The following CNTN5 variants were observed in gnomAD, a reference collection of about 807,000 sequenced individuals.
CNTN5 encodes contactin 5.
Under a neutral mutation model 129.1 loss-of-function variants are expected in CNTN5, and 77 were observed. That is an observed-to-expected ratio of 0.60 (90% CI 0.50 to 0.72). The LOEUF is 0.72. CNTN5 is among the 30% of genes least tolerant of loss of function. CNTN5 has a pLI of 0.00. For synonymous variants in CNTN5, 509 were observed against 465.6 expected (o/e 1.09, Z -1.20); for missense variants, 1,478 against 1,328.8 (o/e 1.11, Z -1.75).
chr11:99,061,950 C>G (rs1001631443), intron 1 of CNTN5, among the ~76,000 whole-genome samples: 4 of 151,142 alleles, frequency 2.6e-5, no homozygotes, highest in African/African-American at 7.3e-5. Context: ...TACGGTTGCA[C>G]TACCTCACTC....
At chr11:99,677,313 A>C (rs974070422) in intron 3 of CNTN5, among the ~76,000 whole-genome samples, 1 of 146,012 alleles carries the variant, frequency 6.8e-6, no homozygotes, top group Non-Finnish European at 1.5e-5. Flanking sequence ...ATGCCTTTAC[A>C]TGTTCATGGG....
At chr11:99,974,011 A>C (rs1200353655) in intron 8 of CNTN5, among the ~76,000 whole-genome samples, 1 of 152,188 alleles carries the variant, frequency 6.6e-6, no homozygotes, top group Non-Finnish European at 1.5e-5. Context: ...ATATTTTAAA[A>C]CTCAGTGATT....
At chr11:99,852,336 T>C (rs892438583) in intron 6 of CNTN5, among the ~76,000 whole-genome samples, 8 of 152,212 alleles carry the variant, frequency 5.3e-5, no homozygotes, top group Non-Finnish European at 1.2e-4. Context: ...AATACATAAT[T>C]TTATGATTTA....
At chr11:99,993,067 C>T (rs983197403) in intron 8 of CNTN5, among the ~76,000 whole-genome samples, 4 of 152,196 alleles carry the variant, frequency 2.6e-5, no homozygotes, top group African/African-American at 9.7e-5. Flanking sequence ...ATGGGACTGT[C>T]TCCCTTCCCT....
chr11:99,541,014 T>C (rs1188812350), intron 2 of CNTN5, among the ~76,000 whole-genome samples: 2 of 152,088 alleles, frequency 1.3e-5, no homozygotes, highest in African/African-American at 4.8e-5. Context: ...CCCTTTAATG[T>C]GTAGCATTCA....
At chr11:100,045,951 C>A (rs912417745) in intron 9 of CNTN5, among the ~76,000 whole-genome samples, 1 of 151,854 alleles carries the variant, frequency 6.6e-6, no homozygotes, top group Non-Finnish European at 1.5e-5. Flanking sequence ...TTATTAACAT[C>A]TTTTATTTTA....
chr11:99,229,184 A>G (rs1159390075), intron 1 of CNTN5, among the ~76,000 whole-genome samples: 1 of 151,998 alleles, frequency 6.6e-6, no homozygotes, highest in East Asian at 1.9e-4. Context: ...GAGTAAATGA[A>G]CTCATAAAAA....
At chr11:100,170,310 A>G (rs1947786168) in intron 13 of CNTN5, among the ~76,000 whole-genome samples, 1 of 151,996 alleles carries the variant, frequency 6.6e-6, no homozygotes, top group Non-Finnish European at 1.5e-5. Context: ...CACTATGTCA[A>G]TTTTCATTAC....
At chr11:99,612,740 T>C (rs1013140794) in intron 3 of CNTN5, among the ~76,000 whole-genome samples, 2 of 152,222 alleles carry the variant, frequency 1.3e-5, no homozygotes, top group Non-Finnish European at 1.5e-5. Context: ...CCCTTTTTCA[T>C]ATAACATTTC....
At chr11:99,878,914 A>G (rs942566997) in intron 6 of CNTN5, among the ~76,000 whole-genome samples, 3 of 152,082 alleles carry the variant, frequency 2.0e-5, no homozygotes, top group Non-Finnish European at 2.9e-5. Context: ...GTTCTGGTGA[A>G]GATACATGTT....
chr11:99,032,692 G>A (rs1401005483), intron 1 of CNTN5, among the ~76,000 whole-genome samples: 11 of 150,562 alleles, frequency 7.3e-5, no homozygotes, highest in African/African-American at 2.0e-4. Context: ...AGTAGGTTGC[G>A]AAAATTTTCT....
chr11:99,263,095 C>G (rs753419999), intron 1 of CNTN5, among the ~76,000 whole-genome samples: 1 of 152,026 alleles, frequency 6.6e-6, no homozygotes, highest in Non-Finnish European at 1.5e-5. Context: ...TTAAGAAGTC[C>G]TCTGAAAACC....
chr11:99,261,755 A>G (rs1202216287), intron 1 of CNTN5, among the ~76,000 whole-genome samples: 2 of 152,012 alleles, frequency 1.3e-5, no homozygotes. Context: ...TGAATTTGAT[A>G]TCATTCTCTT....
At chr11:99,415,221 C>T (rs1942597702) in intron 2 of CNTN5, among the ~76,000 whole-genome samples, 1 of 152,084 alleles carries the variant, frequency 6.6e-6, no homozygotes. Flanking sequence ...CACGTTGAAC[C>T]TTCAGATTGA....
intron 1 of CNTN5, among the ~76,000 whole-genome samples, chr11:99,311,031 A>G (rs1168664279): frequency 6.6e-6 from 1 of 152,084 alleles, no homozygotes; most frequent in Non-Finnish European, 1.5e-5. Context: ...TCCCAAGTTC[A>G]AGCAATTCTC....
chr11:99,828,960 G>A (rs549470899), intron 4 of CNTN5, among the ~76,000 whole-genome samples: 14 of 152,160 alleles, frequency 9.2e-5, no homozygotes, highest in Non-Finnish European at 1.9e-4. Flanking sequence ...AAAACATCAT[G>A]TCTGATTTCA....
At chr11:99,942,577 T>A (rs896698246) in intron 7 of CNTN5, among the ~76,000 whole-genome samples, 2 of 152,054 alleles carry the variant, frequency 1.3e-5, no homozygotes, top group African/African-American at 2.4e-5. Context: ...GTTTGTTACA[T>A]AGGTAATGTG....
At chr11:99,786,493 GA>G (rs556345648) in intron 3 of CNTN5, among the ~76,000 whole-genome samples, 1 of 151,908 alleles carries the variant, frequency 6.6e-6, no homozygotes, top group Admixed American at 6.6e-5. Flanking sequence ...CACAGAATTA[GA>G]AAAAAACTAC....
At chr11:99,439,239 A>G (rs190180645) in intron 2 of CNTN5, among the ~76,000 whole-genome samples, 5 of 152,210 alleles carry the variant, frequency 3.3e-5, no homozygotes, top group Admixed American at 3.3e-4. Flanking sequence ...GAGAGCAGAG[A>G]AGGAATCAGG....
Sources: allele counts gnomAD v4.1 joint callset (sites outside exome capture counted in the v4.1 genomes callset), GRCh38; gene constraint gnomAD v4.1.1; transcripts MANE v1.5; gene names NCBI Gene and HGNC (gene_info 2026-07-23, HGNC 2026-07-21).